NUP93: variants seen among roughly 807,000 people sequenced by gnomAD.
NUP93 encodes nucleoporin 93.
A neutral mutation model predicts 107.8 loss-of-function variants in NUP93; 55 were observed. The ratio of observed to expected loss-of-function variants is 0.51; its 90% CI spans 0.41 to 0.64. NUP93 has a LOEUF of 0.64. NUP93 is among the 30% of genes least tolerant of loss of function. The pLI is 0.00. For synonymous variants in NUP93, 390 were observed against 397.5 expected, an observed-to-expected ratio of 0.98 and a Z score of 0.22; for missense variants, 937 against 1,044.7, an observed-to-expected ratio of 0.90 and a Z score of 1.42.
intron 6 of NUP93, 41 bp from the exon 7 acceptor site, chr16:56,821,463 A>G (rs1483457247): frequency 1.5e-6 from 2 of 1,353,450 alleles, no homozygotes; most frequent in South Asian, 1.2e-5. Flanking sequence ...AAGAAGAGAA[A>G]ATAGATACTT....
chr16:56,837,903 A>T (rs1335624068), intron 18 of NUP93, among the ~76,000 whole-genome samples, 177 bp downstream of exon 18: 5 of 152,258 alleles, frequency 3.3e-5, no homozygotes, highest in Non-Finnish European at 7.3e-5. Context: ...CCCGCATCAG[A>T]ACTAGTACTT....
At chr16:56,812,369 A>G (rs1157614610) in intron 5 of NUP93, among the ~76,000 whole-genome samples, 1 of 151,862 alleles carries the variant, frequency 6.6e-6, no homozygotes, top group Non-Finnish European at 1.5e-5. Context: ...TTTGAGACAG[A>G]GTCTCGCTCT....
intron 21 of NUP93, among the ~76,000 whole-genome samples, chr16:56,842,352 A>G (rs995965280): frequency 2.8e-4 from 43 of 152,076 alleles, no homozygotes; most frequent in Non-Finnish European, 1.6e-4. Flanking sequence ...AGGTAGGTGA[A>G]GGGGCCATGT....
At chr16:56,774,903 G>GTTT (rs550311910) in intron 3 of NUP93, among the ~76,000 whole-genome samples, 1 of 138,388 alleles carries the variant, frequency 7.2e-6, no homozygotes. Context: ...TTTTGTTTTT[G>GTTT]TTTTTTTTTT....
At chr16:56,778,401 T>G (rs1596792090) in intron 3 of NUP93, among the ~76,000 whole-genome samples, 1 of 151,696 alleles carries the variant, frequency 6.6e-6, no homozygotes, top group Non-Finnish European at 1.5e-5. Flanking sequence ...GTGTTGAAAG[T>G]TTCGAAGCAG....
At chr16:56,798,675 C>G (rs1962953022) in intron 4 of NUP93, 137 bp downstream of exon 4, 1 of 713,634 alleles carries the variant, frequency 1.4e-6, no homozygotes, top group Admixed American at 2.5e-5. Flanking sequence ...CAAGATCAGC[C>G]TAGGCAACAT....
Position 56,834,113 on chromosome 16 carries a change from AC to A in NUP93, c.1538-10del. The A allele has an allele frequency of 6.2e-7, 1 of 1,612,328 alleles. No homozygotes were observed. The highest frequency in any genetic ancestry group is 8.5e-7 in the Non-Finnish European group (1 of 1,179,646). On this transcript the variant is annotated splice_polypyrimidine_tract_variant and intron_variant, in intron 13 of 21. Transcript: ENST00000308159. ...GGCAGTGTGGTTGTGACCCATTCTGACCCCCACAATGCAGTCAGCCACGAGC... is the reference window on the plus strand; with the variant it reads ...GGCAGTGTGGTTGTGACCCATTCTGACCCCACAATGCAGTCAGCCACGAGC...
At chr16:56,742,302 T>C (rs1461643334) in intron 1 of NUP93, among the ~76,000 whole-genome samples, 2 of 152,238 alleles carry the variant, frequency 1.3e-5, no homozygotes, top group Admixed American at 6.5e-5. Context: ...AGCTTACTTA[T>C]CAAGTCTAGC....
rs150753497 is a variant in NUP93 at position 56,744,223 on chromosome 16, C to T, written c.-14-4011C>T. 2.5e-3 allele frequency among the ~76,000 whole-genome samples: 374 copies of T among 152,210 alleles called. 3 individuals carry two copies. Among genetic ancestry groups the T allele is most frequent in the Admixed American group, 0.023 (353 of 15,282 alleles). On this transcript the variant is annotated intron_variant, in intron 1 of 21. Coordinates refer to ENST00000308159, the MANE Select transcript of NUP93 (RefSeq NM_014669.5). ...CATGGCTTGGACTTCAATTTTTTTC[C>T]CCCATAGATCATTTTAATTGTTTCT... is the stretch of plus-strand genomic sequence containing the variant.
In NUP93 at chr16:56,783,552, G is replaced by A. The variant is rs900769655; in HGVS notation, c.298-14924G>A. Reference sequence around the variant, plus strand: ...CTAACACTGACCCTGTATGGGAGATGACTCAATTATCCACGCCTTGGTACA... The same window carrying A: ...CTAACACTGACCCTGTATGGGAGATAACTCAATTATCCACGCCTTGGTACA... On this transcript the variant is annotated intron_variant, in intron 3 of 21. Coordinates refer to ENST00000308159, the MANE Select transcript of NUP93 (RefSeq NM_014669.5). The A allele has an allele frequency of 1.3e-4, 126 of 985,410 alleles. No homozygotes were observed. The African/African-American group carries it at 2.0e-3, about 16-fold the overall frequency. The allele number at this position is 985,410 out of a possible 1,614,324, so 61.0% of individuals were successfully genotyped here.
chr16:56,744,588 T>C (rs1490451171), intron 1 of NUP93, among the ~76,000 whole-genome samples: 1 of 152,320 alleles, frequency 6.6e-6, no homozygotes, highest in East Asian at 1.9e-4. Flanking sequence ...TTCATACATA[T>C]CTCTCTTCTT....
At position 56,834,198 on chromosome 16, in the gene NUP93, C is replaced by T. The variant is rs1021002918; in HGVS notation, c.1608C>T (p.Thr536=). The T allele has an allele frequency of 1.9e-6, 3 of 1,613,998 alleles. No individual in the cohort carries two copies. Among genetic ancestry groups the T allele is most frequent in the Non-Finnish European group, 2.5e-6 (3 of 1,180,028 alleles). ...LNFVRLLMLY[T]RKFESTDPRE... ...TCGTGCGGCTCCTCATGCTGTACAC[C>T]CGGAAGTTTGAGTCCACGGACCCAA... The change falls in exon 14 of 22, where the codon ACC becomes ACT. Residue 536 remains threonine, a synonymous_variant. Transcript: ENST00000308159.
At position 56,839,544 on chromosome 16, in the gene NUP93, G is replaced by T. The variant is rs1280561139; in HGVS notation, c.2160G>T (p.Val720=). Residue 720 remains valine (V), a synonymous_variant, in exon 20 of 22, where the codon GTG becomes GTT. Coordinates refer to ENST00000308159, the MANE Select transcript of NUP93 (RefSeq NM_014669.5). The part of the protein sequence containing the change: ...AFDIIERLKL[V]PLNQESVEER... ...AGATCATTGAGCGCTTGAAGCTGGT[G>T]CCCCTGAATCAGGAAAGTGTGGAAG... 6.8e-6 allele frequency: 11 copies of T among 1,612,922 alleles called. No individual in the cohort carries two copies. In the Admixed American group the frequency reaches 1.5e-4, roughly 22 times the overall value.
chr16:56,737,706 T>TA (rs1280079280), intron 1 of NUP93, among the ~76,000 whole-genome samples: 1 of 151,770 alleles, frequency 6.6e-6, no homozygotes, highest in Non-Finnish European at 1.5e-5. Flanking sequence ...TAGTCTGTAG[T>TA]TTCTTTTCCA....
chr16:56,834,408 G>C lies in NUP93; in HGVS notation c.1703G>C (p.Arg568Pro), dbSNP rs770548557. 6.2e-7 allele frequency: 1 copy of C among 1,614,186 alleles called. No individual in the cohort carries two copies. ...KDSQGENMFL[R>P]CVSELVIESR... ...AGTCAAGGAGAAAACATGTTTCTGCGCTGTGTGAGTGAGCTTGTGATTGAA... is the reference window on the plus strand; with the variant it reads ...AGTCAAGGAGAAAACATGTTTCTGCCCTGTGTGAGTGAGCTTGTGATTGAA... Residue 568 changes from arginine (R) to proline (P), a missense_variant, in exon 15 of 22, where the codon CGC becomes CCC. Arg to Pro is a moderately radical substitution (Grantham distance 103). Coordinates refer to ENST00000308159, the MANE Select transcript of NUP93 (RefSeq NM_014669.5).
At position 56,834,533 on chromosome 16, in the gene NUP93, G is replaced by C. The variant is rs909810045; in HGVS notation, c.1737+91G>C. Reference sequence around the variant, plus strand: ...ATTGCGTGTTTACTTCAATATGGTTGTGGTGGATAAGGCCTAGGGAGTTTT... The same window carrying C: ...ATTGCGTGTTTACTTCAATATGGTTCTGGTGGATAAGGCCTAGGGAGTTTT... On this transcript the variant is annotated intron_variant, in intron 15 of 21. Transcript: ENST00000308159. The C allele has an allele frequency of 1.8e-5, 25 of 1,387,652 alleles. No individual in the cohort carries two copies. In the African/African-American group the frequency reaches 3.3e-4, roughly 18 times the overall value. The allele number at this position is 1,387,652 out of a possible 1,614,324, so 86.0% of individuals were successfully genotyped here.
intron 5 of NUP93, among the ~76,000 whole-genome samples, chr16:56,808,844 A>G (rs1305152441): frequency 6.8e-6 from 1 of 147,594 alleles, no homozygotes; most frequent in Non-Finnish European, 1.5e-5. Context: ...ATATATAAAT[A>G]CACATATATA....
chr16:56,781,982 T>C (rs1469998619), intron 3 of NUP93: 1 of 985,300 alleles, frequency 1.0e-6, no homozygotes, highest in African/African-American at 1.7e-5. Flanking sequence ...TCTTTAGTGC[T>C]TCAGTCACAT....
chr16:56,819,885 T>C (rs1213315331), intron 6 of NUP93, among the ~76,000 whole-genome samples: 1 of 152,196 alleles, frequency 6.6e-6, no homozygotes, highest in Non-Finnish European at 1.5e-5. Flanking sequence ...CTTCATCACC[T>C]TCCCACACAT....
Sources: gnomAD v4.1 joint callset for allele counts (sites outside exome capture counted in the v4.1 genomes callset) on GRCh38, gnomAD v4.1.1 for gene constraint, MANE v1.5 for transcripts, NCBI Gene and HGNC (gene_info 2026-07-23, HGNC 2026-07-21) for gene names.